Variants in DNAH11 observed in about 807,000 individuals in gnomAD.
DNAH11 encodes the protein axonemal beta dynein heavy chain 11.
DNAH11 carries 442 observed loss-of-function variants against 526.0 expected under a neutral mutation model. The ratio of observed to expected loss-of-function variants is 0.84; its 90% CI spans 0.78 to 0.91. The LOEUF is 0.91. DNAH11 is among the 40% of genes least tolerant of loss of function. DNAH11 has a pLI of 0.00. For missense variants in DNAH11, 6,989 were observed against 5,448.7 expected (o/e 1.28, Z -8.90); for synonymous variants, 2,461 against 1,935.9 (o/e 1.27, Z -7.12).
At chr7:21,691,451 C>T (rs888861361) in intron 35 of DNAH11, among the ~76,000 whole-genome samples, 12 of 151,868 alleles carry the variant, frequency 7.9e-5, no homozygotes, top group South Asian at 4.2e-4. Flanking sequence ...GACACACATT[C>T]GTTCAAATCT....
At chr7:21,753,862 G>A (rs768026451) in intron 54 of DNAH11, among the ~76,000 whole-genome samples, 10 of 152,106 alleles carry the variant, frequency 6.6e-5, no homozygotes, top group Non-Finnish European at 1.3e-4. Flanking sequence ...AATTTTGATC[G>A]AAATCATGCT....
intron 30 of DNAH11, among the ~76,000 whole-genome samples, chr7:21,674,138 C>A (rs994701982): frequency 2.0e-5 from 3 of 151,954 alleles, no homozygotes; most frequent in Non-Finnish European, 4.4e-5. Flanking sequence ...CGGCTCACTG[C>A]AACCTCTGCC....
chr7:21,901,376 C>CAACGCTATCCTTAGAGT lies in DNAH11; in HGVS notation c.*123_*139dup. The CAACGCTATCCTTAGAGT allele has an allele frequency of 7.6e-7, 1 of 1,312,892 alleles. No homozygotes were observed. Among genetic ancestry groups the CAACGCTATCCTTAGAGT allele is most frequent in the Non-Finnish European group, 9.9e-7 (1 of 1,009,020 alleles). The allele number at this position is 1,312,892 out of a possible 1,614,324, so 81.3% of individuals were successfully genotyped here. A position where few individuals can be genotyped will look rare whatever the true frequency, so the allele number is the denominator to read the frequency against. On this transcript the variant is annotated 3_prime_UTR_variant, in exon 82 of 82. Transcript: ENST00000409508. ...GTAACTCACACGTGCATTCTTTTTT[C>CAACGCTATCCTTAGAGT]AACGCTATCCTTAGAGTGAAAGTCA...
rs140925052 is a variant in DNAH11, at chr7:21,735,537, A to G, written c.7441-103A>G. On this transcript the variant is annotated intron_variant, in intron 45 of 81. Coordinates refer to ENST00000409508, the MANE Select transcript of DNAH11 (RefSeq NM_001277115.2). ...TATGAATTATTTGGATTTCAATTAT[A>G]AAGTGACTGTGTTGAGTTTGATATA... is the stretch of plus-strand genomic sequence containing the variant. 6.0e-5 allele frequency: 57 copies of G among 942,950 alleles called. No individual in the cohort carries two copies. In the East Asian group the frequency reaches 1.1e-3, roughly 17 times the overall value. 58.4% of individuals were successfully genotyped at this position (942,950 alleles called of 1,614,324 possible). A position where few individuals can be genotyped will look rare whatever the true frequency, so the allele number is the denominator to read the frequency against.
At chr7:21,624,733 T>A (rs1397844341) in intron 25 of DNAH11, among the ~76,000 whole-genome samples, 1 of 152,166 alleles carries the variant, frequency 6.6e-6, no homozygotes, top group Non-Finnish European at 1.5e-5. Flanking sequence ...TATATGCCAA[T>A]TTTGTTGGAA....
intron 36 of DNAH11, among the ~76,000 whole-genome samples, chr7:21,701,512 A>G (rs886737129): frequency 5.3e-5 from 8 of 150,980 alleles, no homozygotes; most frequent in African/African-American, 1.9e-4. Context: ...CTGGTCTGGA[A>G]CTCCTGGGCT....
intron 25 of DNAH11, among the ~76,000 whole-genome samples, chr7:21,627,427 C>G (rs776504467): frequency 6.6e-6 from 1 of 152,274 alleles, no homozygotes. Flanking sequence ...AGATTCAACT[C>G]TTAATCCATT....
In DNAH11 at chr7:21,690,758, A is replaced by G. The variant is rs567675423; in HGVS notation, c.5925-7A>G. On this transcript the variant is annotated splice_region_variant and splice_polypyrimidine_tract_variant and intron_variant, in intron 34 of 81. Transcript: ENST00000409508. ...ATTTAATTTCATCAACATTCTTTTT[A>G]TGGTAGATTTGTATTTCTTGGGGAA... The G allele has an allele frequency of 2.1e-5, 34 of 1,588,928 alleles. No individual in the cohort carries two copies. In the East Asian group the frequency reaches 4.9e-4, roughly 23 times the overall value.
At chr7:21,744,278 A>G (rs989856562) in intron 49 of DNAH11, among the ~76,000 whole-genome samples, 160 bp from the exon 50 acceptor site, 1 of 152,250 alleles carries the variant, frequency 6.6e-6, no homozygotes, top group African/African-American at 2.4e-5. Context: ...GCACTTATCA[A>G]AGAGTAAACC....
rs1207208807 is a variant in DNAH11, at chr7:21,895,018, A to C, written c.13049+19A>C. 3.1e-6 allele frequency: 5 copies of C among 1,602,044 alleles called. No individual in the cohort carries two copies. Among genetic ancestry groups the C allele is most frequent in the Admixed American group, 3.3e-5 (2 of 59,974 alleles). On this transcript the variant is annotated intron_variant, in intron 79 of 81. Transcript: ENST00000409508. ...CCCAGTGGTAAGCTACCCCATCCTC[A>C]CTGCCACTGGCCCTGAGCAGCCTCG...
intron 30 of DNAH11, among the ~76,000 whole-genome samples, chr7:21,677,522 C>T (rs897976295): frequency 1.3e-5 from 2 of 152,158 alleles, no homozygotes; most frequent in African/African-American, 2.4e-5. Context: ...GCTGGGATTA[C>T]AGGTACACGT....
At chr7:21,649,310 A>G (rs1300826573) in intron 28 of DNAH11, among the ~76,000 whole-genome samples, 1 of 152,216 alleles carries the variant, frequency 6.6e-6, no homozygotes, top group African/African-American at 2.4e-5. Context: ...GCAGAAATAC[A>G]TAGATGGACC....
intron 45 of DNAH11, among the ~76,000 whole-genome samples, chr7:21,731,017 G>T (rs1031850287): frequency 6.6e-6 from 1 of 151,984 alleles, no homozygotes; most frequent in African/African-American, 2.4e-5. Context: ...GGTGGTGTGC[G>T]CCTATAATCC....
At chr7:21,723,360 C>G (rs1784956360) in intron 44 of DNAH11, among the ~76,000 whole-genome samples, 1 of 152,138 alleles carries the variant, frequency 6.6e-6, no homozygotes, top group African/African-American at 2.4e-5. Context: ...ATGTCTAAGC[C>G]AGGTTCAAAC....
Position 21,854,331 on chromosome 7 carries a change from A to G in DNAH11, c.11078A>G (p.Glu3693Gly), listed in dbSNP as rs777426566. The G allele has an allele frequency of 1.2e-6, 2 of 1,613,832 alleles. No homozygotes were observed. Among genetic ancestry groups the G allele is most frequent in the Admixed American group, 1.7e-5 (1 of 60,010 alleles). The change falls in exon 68 of 82, where the codon GAA (glutamate) becomes GGA (glycine). Residue 3693 changes from glutamate to glycine, a missense_variant. Physicochemically the swap from Glu to Gly is moderately conservative, Grantham distance 98. Coordinates refer to ENST00000409508, the MANE Select transcript of DNAH11 (RefSeq NM_001277115.2). ...EIEHKVIEAK[E>G]NERKINEARE... ...CCACCATAGGTGATTGAAGCCAAAG[A>G]AAATGAAAGAAAAATCAACGAGGCC... is the stretch of plus-strand genomic sequence containing the variant.
At chr7:21,606,216 G>A (rs1785274195) in intron 18 of DNAH11, among the ~76,000 whole-genome samples, 2 of 152,066 alleles carry the variant, frequency 1.3e-5, no homozygotes, top group Non-Finnish European at 2.9e-5. Context: ...CCAGCTACTG[G>A]GGAGACTGAG....
intron 18 of DNAH11, among the ~76,000 whole-genome samples, chr7:21,602,140 G>C (rs939437497): frequency 6.6e-6 from 1 of 151,968 alleles, no homozygotes; most frequent in African/African-American, 2.4e-5. Context: ...CGGAGTTCAA[G>C]ACCAGCCTGG....
At chr7:21,790,823 A>G (rs771493232) in intron 61 of DNAH11, among the ~76,000 whole-genome samples, 7 of 152,236 alleles carry the variant, frequency 4.6e-5, no homozygotes, top group Non-Finnish European at 8.8e-5. Flanking sequence ...GAAATCATGA[A>G]AGATGAACTT....
At chr7:21,695,609 TTAAACA>T (rs1225339724) in intron 35 of DNAH11, among the ~76,000 whole-genome samples, 4 of 152,312 alleles carry the variant, frequency 2.6e-5, no homozygotes, top group Middle Eastern at 6.8e-3. Flanking sequence ...GCTTAAAGAC[TTAAACA>T]TAAAACCTAA....
Sources: allele counts gnomAD v4.1 joint callset (sites outside exome capture counted in the v4.1 genomes callset), GRCh38; gene constraint gnomAD v4.1.1; transcripts MANE v1.5; gene names NCBI Gene and HGNC (gene_info 2026-07-23, HGNC 2026-07-21).